Variants in VIM observed in about 807,000 individuals in gnomAD.
The protein encoded by VIM is vimentin, also known as epididymis secretory sperm binding protein.
VIM carries 18 observed loss-of-function variants against 50.3 expected under a neutral mutation model. That is an observed-to-expected ratio of 0.36 (90% confidence interval 0.25 to 0.53). VIM has a LOEUF of 0.53. Among genes scored for constraint, VIM ranks in the 20% least tolerant of loss-of-function variants. The probability of loss-of-function intolerance (pLI) is 0.91; values close to 1 mark genes in which losing one functional copy is unlikely to be tolerated. For missense variants in VIM, 551 were observed against 614.7 expected, an observed-to-expected ratio of 0.90 and a Z score of 1.10; for synonymous variants, 245 against 248.5, an observed-to-expected ratio of 0.99 and a Z score of 0.13.
chr10:17,235,036 CAT>C, intron 6 of VIM, 131 bp from the exon 7 acceptor site: 1 of 1,192,876 alleles, frequency 8.4e-7, no homozygotes, highest in Admixed American at 2.0e-5. Flanking sequence ...TTGGTACTCG[CAT>C]TCTCCACCTA....
rs1331222310 is a variant in VIM, at chr10:17,237,224, A to G, written c.1360-6A>G. The G allele has an allele frequency of 1.3e-6, 2 of 1,591,964 alleles. No individual in the cohort carries two copies. Among genetic ancestry groups the G allele is most frequent in the African/African-American group, 2.7e-5 (2 of 74,248 alleles). On this transcript the variant is annotated splice_region_variant and splice_polypyrimidine_tract_variant and intron_variant, in intron 9 of 9. Transcript: ENST00000544301. The stretch of plus-strand genomic sequence containing the variant: ...TATATTTATTTTGGTTTTTTTTTTT[A>G]AACAGGTTATCAACGAAACTTCTCA...
chr10:17,231,274 C>G (rs1846789032), intron 3 of VIM, among the ~76,000 whole-genome samples: 1 of 152,164 alleles, frequency 6.6e-6, no homozygotes, highest in African/African-American at 2.4e-5. Context: ...CAGCAAGTTT[C>G]TTTTCTTCTT....
chr10:17,233,748 CGTCT>C lies in VIM; in HGVS notation c.721-15_721-12del. On this transcript the variant is annotated intron_variant, in intron 4 of 9. Transcript: ENST00000544301. ...AGCCCCCACGGTTGGCAGAGCTGAC[CGTCT>C]GTCTGTTCTTTTTGCAGGAAATCCA... 2.5e-6 allele frequency: 4 copies of C among 1,614,166 alleles called. No homozygotes were observed. Among genetic ancestry groups the C allele is most frequent in the South Asian group, 1.1e-5 (1 of 91,076 alleles).
At position 17,233,656 on chromosome 10, in the gene VIM, G is replaced by A; in HGVS notation, c.694G>A (p.Ala232Thr). Reference sequence around the variant, plus strand: ...AGTGGAATCTTTGCAAGAAGAGATTGCCTTTTTGAAGAAACTCCACGAAGA... The same window carrying A: ...AGTGGAATCTTTGCAAGAAGAGATTACCTTTTTGAAGAAACTCCACGAAGA... ...RKVESLQEEI[A>T]FLKKLHEEEI... Residue 232 changes from alanine (A) to threonine (T), a missense_variant, in exon 4 of 10, where the codon GCC (alanine) becomes ACC (threonine). By Grantham distance (58) the Ala-to-Thr change is moderately conservative. This residue lies in a region of VIM where 394 missense variants were observed against 437.5 expected (regional missense o/e 0.90). Coordinates refer to ENST00000544301, the MANE Select transcript of VIM (RefSeq NM_003380.5). 6.2e-7 allele frequency: 1 copy of A among 1,614,178 alleles called. No homozygotes were observed.
Position 17,234,715 on chromosome 10 carries a change from C to T in VIM, c.905C>T (p.Ala302Val). 2 of 1,614,018 alleles carry T rather than the reference C, an allele frequency of 1.2e-6. No individual in the cohort carries two copies. Among genetic ancestry groups the T allele is most frequent in the Non-Finnish European group, 1.7e-6 (2 of 1,180,018 alleles). Residue 302 changes from alanine to valine, a missense_variant, in exon 6 of 10, where the codon GCC becomes GTC. Transcript: ENST00000544301. ...KSKFADLSEA[A>V]NRNNDALRQA... ...CAGTTTGCTGACCTCTCTGAGGCTG[C>T]CAACCGGAACAATGACGCCCTGCGC...
rs910563895 is a variant in VIM, at chr10:17,229,489, C to T, written c.67C>T (p.Arg23Trp). 1 of 1,607,198 alleles carries T rather than the reference C, an allele frequency of 6.2e-7. No homozygotes were observed. The highest frequency in any genetic ancestry group is 1.3e-5 in the African/African-American group (1 of 74,910). The part of the protein sequence containing the change: ...RMFGGPGTAS[R>W]PSSSRSYVTT... ...GTTCGGCGGCCCGGGCACCGCGAGC[C>T]GGCCGAGCTCCAGCCGGAGCTACGT... is the stretch of plus-strand genomic sequence containing the variant. Residue 23 changes from arginine to tryptophan, a missense_variant, in exon 2 of 10, where the codon CGG becomes TGG. Arg to Trp is a moderately radical substitution (Grantham distance 101). Coordinates refer to ENST00000544301, the MANE Select transcript of VIM (RefSeq NM_003380.5).
intron 3 of VIM, among the ~76,000 whole-genome samples, chr10:17,232,026 C>T (rs1479041122): frequency 6.6e-6 from 1 of 152,148 alleles, no homozygotes; most frequent in Non-Finnish European, 1.5e-5. Flanking sequence ...GATTATCATA[C>T]CTGTCATGTT....
chr10:17,230,339 C>CA, intron 2 of VIM: 1 of 568,874 alleles, frequency 1.8e-6, no homozygotes, highest in Non-Finnish European at 3.2e-6. Flanking sequence ...GGCAGGCTGC[C>CA]AATCACCGGG....
chr10:17,235,992 T>C (rs1846882042), intron 8 of VIM, 103 bp downstream of exon 8: 1 of 1,287,638 alleles, frequency 7.8e-7, no homozygotes, highest in African/African-American at 1.5e-5. Context: ...AAATGCCATA[T>C]AAGAGAAAAC....
chr10:17,236,025 C>T (rs1382480190), intron 8 of VIM, 136 bp downstream of exon 8: 22 of 974,104 alleles, frequency 2.3e-5, no homozygotes, highest in Middle Eastern at 2.1e-4. Flanking sequence ...CTATAATTTT[C>T]GAACCCAAGT....
rs764183925 is a variant in VIM at position 17,237,213 on chromosome 10, T to C, written c.1360-17T>C. 1.5e-6 allele frequency: 2 copies of C among 1,359,450 alleles called. No homozygotes were observed. The highest frequency in any genetic ancestry group is 1.3e-5 in the South Asian group (1 of 76,034). The allele number at this position is 1,359,450 out of a possible 1,614,324, so 84.2% of individuals were successfully genotyped here. A position where few individuals can be genotyped will look rare whatever the true frequency, so the allele number is the denominator to read the frequency against. On this transcript the variant is annotated splice_polypyrimidine_tract_variant and intron_variant, in intron 9 of 9. Coordinates refer to ENST00000544301, the MANE Select transcript of VIM (RefSeq NM_003380.5). ...GCATGTGGCATTATATTTATTTTGG[T>C]TTTTTTTTTTAAACAGGTTATCAAC...
chr10:17,237,143 G>A, intron 9 of VIM, 87 bp from the exon 10 acceptor site: 1 of 1,189,336 alleles, frequency 8.4e-7, no homozygotes, highest in South Asian at 1.4e-5. Context: ...CATATATTTA[G>A]CAGGATTTTT....
intron 3 of VIM, 74 bp from the exon 4 acceptor site, chr10:17,233,513 T>A (rs917559138): frequency 2.7e-6 from 4 of 1,466,352 alleles, no homozygotes; most frequent in Non-Finnish European, 1.9e-6. Context: ...AGATGGTTAA[T>A]CTAAGACAAA....
chr10:17,232,006 G>C (rs979838734), intron 3 of VIM, among the ~76,000 whole-genome samples: 1 of 152,052 alleles, frequency 6.6e-6, no homozygotes, highest in South Asian at 2.1e-4. Flanking sequence ...TTTAGTCCTT[G>C]AGCATTTTTG....
At chr10:17,234,657 T>C (rs770448987) in intron 5 of VIM, 36 bp from the exon 6 acceptor site, 2 of 1,612,560 alleles carry the variant, frequency 1.2e-6, no homozygotes, top group East Asian at 4.5e-5. Flanking sequence ...AAGACTTGAA[T>C]GTGAGCAATC....
Position 17,229,823 on chromosome 10 carries a change from A to G in VIM, c.401A>G (p.Glu134Gly). 1 of 1,601,770 alleles carries G rather than the reference A, an allele frequency of 6.2e-7. No individual in the cohort carries two copies. Among genetic ancestry groups the G allele is most frequent in the South Asian group, 1.1e-5 (1 of 89,062 alleles). Residue 134 changes from glutamate (E) to glycine (G), a missense_variant, in exon 2 of 10, where the codon GAG (glutamate) becomes GGG (glycine). Physicochemically the swap from Glu to Gly is moderately conservative, Grantham distance 98. This residue lies in a region of VIM where 394 missense variants were observed against 437.5 expected (regional missense o/e 0.90). Transcript: ENST00000544301. Reference protein sequence around the residue: ...LEQQNKILLAELEQLKGQGKS... With the variant: ...LEQQNKILLAGLEQLKGQGKS... ...CAGCAGAATAAGATCCTGCTGGCCGAGCTCGAGCAGCTCAAGGGCCAAGGC... is the reference window on the plus strand; with the variant it reads ...CAGCAGAATAAGATCCTGCTGGCCGGGCTCGAGCAGCTCAAGGGCCAAGGC...
Position 17,229,630 on chromosome 10 carries a change from C to T in VIM, c.208C>T (p.Leu70=). The T allele has an allele frequency of 6.3e-7, 1 of 1,585,190 alleles. No homozygotes were observed. The highest frequency in any genetic ancestry group is 8.6e-7 in the Non-Finnish European group (1 of 1,165,990). The part of the protein sequence containing the change: ...VYATRSSAVR[L]RSSVPGVRLL... Reference sequence around the variant, plus strand: ...TGCCACGCGCTCCTCTGCCGTGCGCCTGCGGAGCAGCGTGCCCGGGGTGCG... The same window carrying T: ...TGCCACGCGCTCCTCTGCCGTGCGCTTGCGGAGCAGCGTGCCCGGGGTGCG... The change falls in exon 2 of 10, where the codon CTG becomes TTG. Residue 70 remains leucine (L), a synonymous_variant. Transcript: ENST00000544301.
intron 2 of VIM, chr10:17,230,290 C>T (rs1165605191): frequency 7.0e-6 from 4 of 572,232 alleles, no homozygotes; most frequent in Admixed American, 6.1e-5. Flanking sequence ...ACAATGAGAG[C>T]CAGTCCTCCA....
Position 17,234,758 on chromosome 10 carries a change from C to T in VIM, c.948C>T (p.Ser316=). Residue 316 remains serine, a synonymous_variant, in exon 6 of 10, where the codon TCC becomes TCT. Coordinates refer to ENST00000544301, the MANE Select transcript of VIM (RefSeq NM_003380.5). ...NDALRQAKQE[S]TEYRRQVQSL... is the part of the protein sequence containing the mutation. ...CCCTGCGCCAGGCAAAGCAGGAGTC[C>T]ACTGAGTACCGGAGACAGGTGCAGT... The T allele has an allele frequency of 6.2e-7, 1 of 1,614,122 alleles. No homozygotes were observed. The highest frequency in any genetic ancestry group is 8.5e-7 in the Non-Finnish European group (1 of 1,180,030).
Sources: allele counts gnomAD v4.1 joint callset (sites outside exome capture counted in the v4.1 genomes callset), GRCh38; gene constraint gnomAD v4.1.1; regional missense constraint gnomAD v4.1.1; transcripts MANE v1.5; gene names NCBI Gene and HGNC (gene_info 2026-07-23, HGNC 2026-07-21).